The following DCST2 variants were observed in gnomAD, a reference collection of about 807,000 sequenced individuals.
DCST2 encodes DC-STAMP domain containing 2, also known as DC-STAMP domain-containing protein 2.
DCST2 carries 64 observed loss-of-function variants against 81.8 expected under a neutral mutation model. That is an observed-to-expected ratio of 0.78 (90% CI 0.64 to 0.96). The LOEUF (loss-of-function observed/expected upper bound fraction) is 0.96, where lower values mean the gene tolerates loss of function less well. Among genes scored for constraint, DCST2 ranks in the 40% least tolerant of loss-of-function variants. DCST2 has a pLI of 0.00. For missense variants in DCST2, 945 were observed against 1,001.4 expected, an observed-to-expected ratio of 0.94 and a Z score of 0.76; for synonymous variants, 354 against 402.6, an observed-to-expected ratio of 0.88 and a Z score of 1.44.
Position 155,018,780 on chromosome 1 carries a change from G to T in DCST2, c.2106-20C>A. ...AGGTCACTAGTGAGGAGAGGAAGGG[G>T]GTGGCCGGATCACCCACCTTCTGTC... is the stretch of plus-strand genomic sequence containing the variant. On this transcript the variant is annotated intron_variant, in intron 14 of 14. Coordinates refer to ENST00000368424, the MANE Select transcript of DCST2 (RefSeq NM_144622.3). The T allele has an allele frequency of 6.2e-7, 1 of 1,607,378 alleles. No individual in the cohort carries two copies. The highest frequency in any genetic ancestry group is 8.5e-7 in the Non-Finnish European group (1 of 1,177,700).
At chr1:155,027,330 CCG>C in intron 8 of DCST2, among the ~76,000 whole-genome samples, 1 of 141,848 alleles carries the variant, frequency 7.0e-6, no homozygotes, top group Non-Finnish European at 1.5e-5. Flanking sequence ...GTGTGAGCCA[CCG>C]AGTAAGACCC....
Position 155,024,450 on chromosome 1 carries a change from A to G in DCST2, c.1742+22T>C, listed in dbSNP as rs908264009. On this transcript the variant is annotated intron_variant, in intron 11 of 14. Transcript: ENST00000368424. ...TTCTATCCCCTCTTGCCCCACCCCT[A>G]TAGAAAAGACAGTGGCCTCACCGAC... 2.0e-5 allele frequency: 31 copies of G among 1,581,552 alleles called. No individual in the cohort carries two copies. In the East Asian group the frequency reaches 5.3e-4, roughly 27 times the overall value.
chr1:155,020,537 T>G (rs1189665646), intron 14 of DCST2, among the ~76,000 whole-genome samples: 2 of 152,142 alleles, frequency 1.3e-5, no homozygotes, highest in African/African-American at 4.8e-5. Context: ...GCCTAATTTT[T>G]TGTATTTTTA....
chr1:155,032,281 C>T (rs796187468), intron 3 of DCST2, among the ~76,000 whole-genome samples: 3 of 151,628 alleles, frequency 2.0e-5, no homozygotes, highest in Non-Finnish European at 4.4e-5. Flanking sequence ...TGTGAGCCAC[C>T]GCACCTGGCC....
Position 155,030,167 on chromosome 1 carries a change from C to T in DCST2, c.1094G>A (p.Arg365His), listed in dbSNP as rs200847364. 34 of 1,614,154 alleles carry T rather than the reference C, an allele frequency of 2.1e-5. No individual in the cohort carries two copies. The highest frequency in any genetic ancestry group is 1.7e-4 in the Middle Eastern group (1 of 6,058). ...TGCCGTGGAGCGCACAGCCTCCATG[C>T]GCAGGAATCGGCTAGTGATGTAGAT... ...DNIYITSRFL[R>H]MEAVRSTAGL... Residue 365 changes from arginine (R) to histidine (H), a missense_variant, in exon 7 of 15, where the codon CGC (arginine) becomes CAC (histidine). Physicochemically the swap from Arg to His is conservative, Grantham distance 29. Transcript: ENST00000368424.
At chr1:155,026,261 G>T in intron 10 of DCST2, 41 bp downstream of exon 10, 1 of 1,593,186 alleles carries the variant, frequency 6.3e-7, no homozygotes, top group South Asian at 1.1e-5. Flanking sequence ...AAGCCCCCTG[G>T]GGAGGGGGCA....
chr1:155,026,222 CCCAAAGCCAAAAAAG>C, intron 10 of DCST2, 65 bp downstream of exon 10: 1 of 1,427,204 alleles, frequency 7.0e-7, no homozygotes, highest in Non-Finnish European at 9.7e-7. Flanking sequence ...GAAGTCAGCT[CCCAAAGCCAAAAAAG>C]CCAGCCACTA....
intron 2 of DCST2, 118 bp downstream of exon 2, chr1:155,032,976 G>GCT: frequency 8.1e-7 from 1 of 1,233,748 alleles, no homozygotes; most frequent in Non-Finnish European, 1.1e-6. Flanking sequence ...GTCCCTTCCA[G>GCT]GCCCAGATGC....
intron 8 of DCST2, among the ~76,000 whole-genome samples, chr1:155,028,640 C>T (rs971534232): frequency 1.3e-5 from 2 of 150,782 alleles, no homozygotes; most frequent in African/African-American, 4.9e-5. Context: ...TTTGGGAGGC[C>T]AAGGCCAGCA....
rs371707758 is a variant in DCST2, at chr1:155,023,421, T to C, written c.1907A>G (p.Asn636Ser). The change falls in exon 13 of 15, where the codon AAT becomes AGT. Residue 636 changes from asparagine to serine, a missense_variant. Coordinates refer to ENST00000368424, the MANE Select transcript of DCST2 (RefSeq NM_144622.3). Reference protein sequence around the residue: ...YCLTCFRLLDNTCSVCASPLS... With the variant: ...YCLTCFRLLDSTCSVCASPLS... ...GGGAGATGCACACACGGAGCAGGTA[T>C]TGTCCAGGAGGCGGAAGCAAGTGAG... The C allele has an allele frequency of 1.2e-6, 2 of 1,605,560 alleles. No individual in the cohort carries two copies. The highest frequency in any genetic ancestry group is 1.3e-5 in the African/African-American group (1 of 74,766).
At chr1:155,029,487 A>G in intron 7 of DCST2, 90 bp from the exon 8 acceptor site, 1 of 1,300,718 alleles carries the variant, frequency 7.7e-7, no homozygotes, top group Non-Finnish European at 1.1e-6. Flanking sequence ...GCCCCTAATC[A>G]GGTGTGGGCC....
chr1:155,030,586 G>A lies in DCST2; in HGVS notation c.865C>T (p.His289Tyr). 2 of 1,614,130 alleles carry A rather than the reference G, an allele frequency of 1.2e-6. No individual in the cohort carries two copies. The highest frequency in any genetic ancestry group is 1.1e-5 in the South Asian group (1 of 91,080). ...GCATTGAGATCCACAGAGAAGTGGT[G>A]GGTGGCTGTCATGTTGAACTCAAAC... Reference protein sequence around the residue: ...QEFEFNMTATHHFSVDLNASR... With the variant: ...QEFEFNMTATYHFSVDLNASR... The change falls in exon 6 of 15, where the codon CAC becomes TAC. Residue 289 changes from histidine to tyrosine, a missense_variant. By Grantham distance (83) the His-to-Tyr change is moderately conservative (BLOSUM62 2). Coordinates refer to ENST00000368424, the MANE Select transcript of DCST2 (RefSeq NM_144622.3).
In DCST2 at chr1:155,032,860, C is replaced by T; in HGVS notation, c.440-92G>A. On this transcript the variant is annotated intron_variant, in intron 2 of 14. Coordinates refer to ENST00000368424, the MANE Select transcript of DCST2 (RefSeq NM_144622.3). ...CTTAAGCAGGGAGTAGAGAGGAGGC[C>T]ACCATTTCCAGAGGCGGGAAGCCTG... 4.0e-6 allele frequency: 5 copies of T among 1,259,768 alleles called. No homozygotes were observed. The South Asian group carries it at 5.0e-5, about 13-fold the overall frequency. 78.0% of individuals were successfully genotyped at this position (1,259,768 alleles called of 1,614,324 possible).
At chr1:155,024,721 T>G in intron 10 of DCST2, 119 bp from the exon 11 acceptor site, 2 of 1,190,956 alleles carry the variant, frequency 1.7e-6, no homozygotes, top group Non-Finnish European at 1.1e-6. Flanking sequence ...CCCTCTAGGT[T>G]TGGCTCAAAT....
Position 155,021,593 on chromosome 1 carries a change from C to T in DCST2, c.2105+1524G>A, listed in dbSNP as rs562118275. Among the ~76,000 whole-genome samples the T allele has an allele frequency of 1.4e-4, 21 of 151,956 alleles. No individual in the cohort carries two copies. The East Asian group carries it at 3.9e-3, about 28-fold the overall frequency. On this transcript the variant is annotated intron_variant, in intron 14 of 14. Coordinates refer to ENST00000368424, the MANE Select transcript of DCST2 (RefSeq NM_144622.3). ...ACCCCCCAAAAATATACCTCCAGCCCGGATCCCTGCCCTTTTCTAACTGCC... is the reference window on the plus strand; with the variant it reads ...ACCCCCCAAAAATATACCTCCAGCCTGGATCCCTGCCCTTTTCTAACTGCC...
chr1:155,026,821 T>C, intron 8 of DCST2, 106 bp from the exon 9 acceptor site: 1 of 1,404,450 alleles, frequency 7.1e-7, no homozygotes, highest in Non-Finnish European at 9.8e-7. Flanking sequence ...ATAGGATGAC[T>C]CAGACCCTTG....
rs1459327564 is a variant in DCST2 at position 155,029,481 on chromosome 1, CT to C, written c.1178-85del. The stretch of plus-strand genomic sequence containing the variant: ...CAGTTCTTGGAGAGGCCTCCTGCCC[CT>C]AATCAGGTGTGGGCCCGTCTGCTCA... On this transcript the variant is annotated intron_variant, in intron 7 of 14. Transcript: ENST00000368424. 6.0e-5 allele frequency: 84 copies of C among 1,394,574 alleles called. No individual in the cohort carries two copies. In the East Asian group the frequency reaches 1.9e-3, roughly 32 times the overall value. 86.4% of individuals were successfully genotyped at this position (1,394,574 alleles called of 1,614,324 possible).
rs750107120 is a variant in DCST2 at position 155,018,539 on chromosome 1, T to C, written c.*5A>G. 6.2e-7 allele frequency: 1 copy of C among 1,609,220 alleles called. No individual in the cohort carries two copies. Among genetic ancestry groups the C allele is most frequent in the South Asian group, 1.1e-5 (1 of 90,982 alleles). ...TTAAGATTCACACTTGTGTCCACTT[T>C]TGGTTTATTTGGGGGGTGGGTGGGA... is the stretch of plus-strand genomic sequence containing the variant. On this transcript the variant is annotated 3_prime_UTR_variant, in exon 15 of 15. Transcript: ENST00000368424.
chr1:155,032,853 A>T (rs1424306973), intron 2 of DCST2, 85 bp from the exon 3 acceptor site: 2 of 1,304,548 alleles, frequency 1.5e-6, no homozygotes, highest in Admixed American at 3.6e-5. Flanking sequence ...GGGAGTAGAG[A>T]GGAGGCCACC....
Sources: gnomAD v4.1 joint callset for allele counts (sites outside exome capture counted in the v4.1 genomes callset) on GRCh38, gnomAD v4.1.1 for gene constraint, MANE v1.5 for transcripts, NCBI Gene and HGNC (gene_info 2026-07-23, HGNC 2026-07-21) for gene names.